Variants in SPAG16 observed in about 807,000 individuals in gnomAD.
SPAG16 encodes the protein sperm-associated antigen 16 protein.
SPAG16 carries 86 observed loss-of-function variants against 80.4 expected under a neutral mutation model. That is an observed-to-expected ratio of 1.07 (90% CI 0.90 to 1.28). SPAG16 has a LOEUF of 1.28. Ranked by LOEUF, SPAG16 falls within the 50% of genes most tolerant of loss-of-function variation. The probability of loss-of-function intolerance (pLI) is 0.00; values close to 1 mark genes in which losing one functional copy is unlikely to be tolerated. For synonymous variants in SPAG16, 294 were observed against 265.9 expected (o/e 1.11, Z -1.03); for missense variants, 870 against 765.3 (o/e 1.14, Z -1.61).
intron 12 of SPAG16, among the ~76,000 whole-genome samples, chr2:213,939,609 A>G (rs1246960153): frequency 1.3e-5 from 2 of 152,194 alleles, no homozygotes; most frequent in Non-Finnish European, 2.9e-5. Flanking sequence ...GATTCTTTTC[A>G]GGTACCTGTC....
chr2:213,649,502 A>C (rs1220516012), intron 10 of SPAG16, among the ~76,000 whole-genome samples: 1 of 152,264 alleles, frequency 6.6e-6, no homozygotes, highest in African/African-American at 2.4e-5. Flanking sequence ...GGAAAGATGA[A>C]AAACAGCAAC....
intron 11 of SPAG16, among the ~76,000 whole-genome samples, chr2:213,869,297 A>ATATATACG (rs2075854709): frequency 8.0e-6 from 1 of 124,912 alleles, no homozygotes; most frequent in Non-Finnish European, 1.7e-5. Flanking sequence ...ATATATGTAT[A>ATATATACG]TATATATATA....
At chr2:213,285,942 G>T (rs1241569943) in intron 1 of SPAG16, 1 of 1,283,956 alleles carries the variant, frequency 7.8e-7, no homozygotes, top group African/African-American at 1.5e-5. Flanking sequence ...TTGTAATTTT[G>T]TTTGCATTAA....
intron 15 of SPAG16, among the ~76,000 whole-genome samples, chr2:214,311,318 G>T (rs1695298628): frequency 1.3e-5 from 2 of 152,142 alleles, no homozygotes; most frequent in African/African-American, 4.8e-5. Context: ...GAGGTTCCCT[G>T]GGTAGGTTAA....
At chr2:213,823,102 C>A (rs143155693) in intron 10 of SPAG16, among the ~76,000 whole-genome samples, 2 of 152,238 alleles carry the variant, frequency 1.3e-5, no homozygotes, top group African/African-American at 4.8e-5. Flanking sequence ...CAATGGGTTG[C>A]TGGGTCAAAT....
chr2:214,065,062 C>A (rs908628998), intron 13 of SPAG16, among the ~76,000 whole-genome samples: 15 of 151,836 alleles, frequency 9.9e-5, no homozygotes, highest in African/African-American at 3.6e-4. Context: ...TTACAATAAA[C>A]CTATAAAGTT....
At chr2:213,964,066 TA>T (rs1231888952) in intron 12 of SPAG16, among the ~76,000 whole-genome samples, 1 of 152,156 alleles carries the variant, frequency 6.6e-6, no homozygotes, top group Admixed American at 6.5e-5. Context: ...GATTGGTTGA[TA>T]AAAATATTGT....
chr2:214,327,163 A>G (rs574089567), intron 15 of SPAG16, among the ~76,000 whole-genome samples: 1 of 152,328 alleles, frequency 6.6e-6, no homozygotes, highest in South Asian at 2.1e-4. Context: ...TTTAAGAATT[A>G]TAAAATGTTC....
intron 9 of SPAG16, among the ~76,000 whole-genome samples, chr2:213,405,993 T>A (rs2068589013): frequency 6.6e-6 from 1 of 152,172 alleles, no homozygotes; most frequent in Non-Finnish European, 1.5e-5. Context: ...GAGGTTTACA[T>A]TTGGATAATA....
intron 12 of SPAG16, among the ~76,000 whole-genome samples, chr2:213,996,672 G>A (rs1160823485): frequency 4.0e-5 from 6 of 150,368 alleles, no homozygotes; most frequent in African/African-American, 2.5e-5. Context: ...AGGTTCAAGC[G>A]ATTCTCCTGC....
At chr2:214,371,693 T>TTG (rs1246194967) in intron 15 of SPAG16, among the ~76,000 whole-genome samples, 3 of 149,324 alleles carry the variant, frequency 2.0e-5, no homozygotes, top group Non-Finnish European at 4.5e-5. Context: ...TAATTTTTTT[T>TTG]TTTTTGAGAC....
At chr2:213,968,012 T>G (rs1477452071) in intron 12 of SPAG16, among the ~76,000 whole-genome samples, 1 of 152,190 alleles carries the variant, frequency 6.6e-6, no homozygotes, top group Non-Finnish European at 1.5e-5. Flanking sequence ...CAACATACTG[T>G]GTGGAATTAT....
chr2:213,719,479 C>A (rs2066412425), intron 10 of SPAG16, among the ~76,000 whole-genome samples: 1 of 152,088 alleles, frequency 6.6e-6, no homozygotes, highest in Non-Finnish European at 1.5e-5. Context: ...TTGTATCTAG[C>A]TCAGGGATTG....
chr2:213,747,640 A>G (rs2067888799), intron 10 of SPAG16, among the ~76,000 whole-genome samples: 2 of 152,246 alleles, frequency 1.3e-5, no homozygotes, highest in South Asian at 4.1e-4. Flanking sequence ...AACATGCTAT[A>G]CAGGTTTGTA....
rs140550700 is a variant in SPAG16 at position 213,727,212 on chromosome 2, A to G, written c.1071-135273A>G. On this transcript the variant is annotated intron_variant, in intron 10 of 15. Transcript: ENST00000331683. ...CTAGACAATTGCCTTTACTGTTTCA[A>G]TCAATTAATCATTTGTGCTGGGCAT... is the stretch of plus-strand genomic sequence containing the variant. 7.7e-3 allele frequency among the ~76,000 whole-genome samples: 1,174 copies of G among 152,320 alleles called. 49 individuals are homozygous for G. The highest frequency in any genetic ancestry group is 0.057 in the Admixed American group (873 of 15,290).
At chr2:213,531,600 C>T (rs1202418450) in intron 10 of SPAG16, among the ~76,000 whole-genome samples, 1 of 152,046 alleles carries the variant, frequency 6.6e-6, no homozygotes, top group African/African-American at 2.4e-5. Flanking sequence ...GATTCCAAGT[C>T]CAGCGCTTCT....
At chr2:214,243,853 A>T in intron 15 of SPAG16, among the ~76,000 whole-genome samples, 1 of 152,142 alleles carries the variant, frequency 6.6e-6, no homozygotes, top group East Asian at 1.9e-4. Flanking sequence ...CCCTTCTCTG[A>T]CATCCTACAA....
chr2:213,806,571 T>C (rs2071782266), intron 10 of SPAG16, among the ~76,000 whole-genome samples: 1 of 152,154 alleles, frequency 6.6e-6, no homozygotes, highest in Non-Finnish European at 1.5e-5. Flanking sequence ...CCCACTGATA[T>C]GTTTTAATGA....
At chr2:213,375,618 ATGGT>A (rs1214318722) in intron 9 of SPAG16, among the ~76,000 whole-genome samples, 2 of 152,210 alleles carry the variant, frequency 1.3e-5, no homozygotes, top group East Asian at 1.9e-4. Flanking sequence ...GGTATTAAAA[ATGGT>A]TGGTCAAAGA....
Sources: gnomAD v4.1 joint callset for allele counts (sites outside exome capture counted in the v4.1 genomes callset) on GRCh38, gnomAD v4.1.1 for gene constraint, MANE v1.5 for transcripts, NCBI Gene and HGNC (gene_info 2026-07-23, HGNC 2026-07-21) for gene names.